The following CHST11 variants were observed in gnomAD, a reference collection of about 807,000 sequenced individuals.
The protein encoded by CHST11 is C4S-1.
A neutral mutation model predicts 30.4 loss-of-function variants in CHST11; 9 were observed. The observed-to-expected ratio is 0.30, with a 90% CI of 0.18 to 0.52. The LOEUF is 0.52. Ranked by LOEUF, CHST11 falls within the 20% of genes least tolerant of loss-of-function variation. The pLI, the probability that CHST11 is intolerant of heterozygous loss-of-function variation, is 0.97. For missense variants in CHST11, 348 were observed against 460.6 expected (o/e 0.76, Z 2.24); for synonymous variants, 152 against 187.8 (o/e 0.81, Z 1.56).
chr12:104,474,161 AG>A, intron 1 of CHST11, among the ~76,000 whole-genome samples: 2 of 152,318 alleles, frequency 1.3e-5, no homozygotes, highest in East Asian at 1.9e-4. Context: ...GCCTATGCAA[AG>A]GTATTGGAAT....
At chr12:104,723,351 C>G (rs2040193212) in intron 2 of CHST11, among the ~76,000 whole-genome samples, 1 of 152,186 alleles carries the variant, frequency 6.6e-6, no homozygotes, top group Admixed American at 6.5e-5. Flanking sequence ...GTCAGGACAG[C>G]CTGGCGGGCG....
chr12:104,743,866 T>C (rs964810889), intron 2 of CHST11, among the ~76,000 whole-genome samples: 5 of 152,168 alleles, frequency 3.3e-5, no homozygotes, highest in Non-Finnish European at 7.3e-5. Flanking sequence ...TGGCATTTGG[T>C]TTTCTGTTCT....
chr12:104,617,947 T>G (rs1386291514), intron 2 of CHST11, among the ~76,000 whole-genome samples: 3 of 152,096 alleles, frequency 2.0e-5, no homozygotes, highest in Non-Finnish European at 1.5e-5. Flanking sequence ...CTCACTCTAT[T>G]GCCCAGGCTG....
At chr12:104,585,002 A>G (rs531629798) in intron 1 of CHST11, among the ~76,000 whole-genome samples, 1 of 152,218 alleles carries the variant, frequency 6.6e-6, no homozygotes, top group African/African-American at 2.4e-5. Context: ...GTGCCAGAAA[A>G]ATGTCAGAAG....
At chr12:104,626,828 T>G (rs2039220591) in intron 2 of CHST11, among the ~76,000 whole-genome samples, 2 of 152,032 alleles carry the variant, frequency 1.3e-5, no homozygotes, top group Non-Finnish European at 2.9e-5. Flanking sequence ...AGTGGTCCAT[T>G]TGTTACAACT....
intron 1 of CHST11, among the ~76,000 whole-genome samples, chr12:104,558,864 G>C (rs1021507856): frequency 2.0e-5 from 3 of 151,786 alleles, no homozygotes; most frequent in African/African-American, 7.3e-5. Context: ...CTAAGTCCTC[G>C]GGCACCAGGA....
At position 104,735,620 on chromosome 12, in the gene CHST11, G is replaced by A. The variant is rs571725582; in HGVS notation, c.205-21329G>A. Among the ~76,000 whole-genome samples the A allele has an allele frequency of 2.8e-4, 43 of 152,266 alleles. 1 individual carries two copies. Among genetic ancestry groups the A allele is most frequent in the Non-Finnish European group, 4.7e-4 (32 of 68,010 alleles). On this transcript the variant is annotated intron_variant, in intron 2 of 2. Transcript: ENST00000303694. The stretch of plus-strand genomic sequence containing the variant: ...GAGTGAGCAAATCCAGAGAGACTTG[G>A]GGGCAGGGGACTTGCTCCTGGGCAG...
intron 1 of CHST11, among the ~76,000 whole-genome samples, chr12:104,551,754 T>G (rs2038407344): frequency 6.6e-6 from 1 of 152,196 alleles, no homozygotes; most frequent in Admixed American, 6.5e-5. Context: ...AATCTAAAGC[T>G]TCATGTGAGG....
At chr12:104,635,364 C>T (rs890150872) in intron 2 of CHST11, among the ~76,000 whole-genome samples, 1 of 152,210 alleles carries the variant, frequency 6.6e-6, no homozygotes, top group African/African-American at 2.4e-5. Context: ...CAAATGTTGC[C>T]TGGCCTTCCG....
At position 104,760,854 on chromosome 12, in the gene CHST11, G is replaced by A. The variant is rs78762187; in HGVS notation, c.*3051G>A. ...ATGTAGAAAGTATTCTGTGTCCTTG[G>A]TTAAAGAAATCCACTTGTGAAGTGT... On this transcript the variant is annotated 3_prime_UTR_variant, in exon 3 of 3. Transcript: ENST00000303694. 1 of 152,174 alleles carries A rather than the reference G, an allele frequency of 6.6e-6. No individual in the cohort carries two copies. Among genetic ancestry groups the A allele is most frequent in the Non-Finnish European group, 1.5e-5 (1 of 68,030 alleles). The allele number at this position is 152,174 out of a possible 1,614,324, so 9.4% of individuals were successfully genotyped here.
intron 2 of CHST11, among the ~76,000 whole-genome samples, chr12:104,681,213 A>G (rs2039792018): frequency 1.3e-5 from 2 of 152,250 alleles, no homozygotes; most frequent in African/African-American, 2.4e-5. Flanking sequence ...GAGTAACTTC[A>G]TGCATTACCA....
chr12:104,566,135 G>T (rs193057945), intron 1 of CHST11, among the ~76,000 whole-genome samples: 1 of 152,194 alleles, frequency 6.6e-6, no homozygotes, highest in Non-Finnish European at 1.5e-5. Flanking sequence ...TTCTCTGGCC[G>T]TGTGATGTTC....
At chr12:104,485,329 C>T (rs1020453482) in intron 1 of CHST11, among the ~76,000 whole-genome samples, 2 of 152,164 alleles carry the variant, frequency 1.3e-5, no homozygotes, top group Admixed American at 1.3e-4. Flanking sequence ...CAAATGATTC[C>T]AGCAGAGAAT....
chr12:104,614,085 G>A (rs995681065), intron 2 of CHST11, among the ~76,000 whole-genome samples: 8 of 152,202 alleles, frequency 5.3e-5, no homozygotes, highest in African/African-American at 1.9e-4. Context: ...GGTGATAGAT[G>A]TGTTACTTAG....
At chr12:104,624,161 T>C (rs2039188483) in intron 2 of CHST11, among the ~76,000 whole-genome samples, 1 of 152,332 alleles carries the variant, frequency 6.6e-6, no homozygotes, top group African/African-American at 2.4e-5. Context: ...ATGCACTCCA[T>C]TCCGGCCTCT....
At chr12:104,488,289 G>T (rs1270604534) in intron 1 of CHST11, among the ~76,000 whole-genome samples, 3 of 152,110 alleles carry the variant, frequency 2.0e-5, no homozygotes, top group Non-Finnish European at 4.4e-5. Context: ...GGGTGAGGAG[G>T]TGCTCCACAT....
intron 1 of CHST11, among the ~76,000 whole-genome samples, chr12:104,510,799 A>T (rs1296079296): frequency 6.6e-6 from 1 of 151,048 alleles, no homozygotes; most frequent in Non-Finnish European, 1.5e-5. Flanking sequence ...TTGTAAGTGT[A>T]TGTGAGTTTC....
intron 1 of CHST11, among the ~76,000 whole-genome samples, chr12:104,524,121 A>C (rs190089500): frequency 4.0e-5 from 6 of 151,394 alleles, no homozygotes; most frequent in African/African-American, 1.5e-4. Context: ...TTACTGACCC[A>C]AAGTATTTTT....
intron 2 of CHST11, among the ~76,000 whole-genome samples, chr12:104,663,539 A>G (rs1331408524): frequency 6.6e-6 from 1 of 152,048 alleles, no homozygotes; most frequent in Non-Finnish European, 1.5e-5. Flanking sequence ...CCTAGCTTAT[A>G]TTGTTTGGTA....
Sources: gnomAD v4.1 joint callset for allele counts (sites outside exome capture counted in the v4.1 genomes callset) on GRCh38, gnomAD v4.1.1 for gene constraint, MANE v1.5 for transcripts, NCBI Gene and HGNC (gene_info 2026-07-23, HGNC 2026-07-21) for gene names.